Variants in ARHGAP32 observed in about 807,000 individuals in gnomAD.
ARHGAP32 encodes Rho GTPase activating protein 32.
A neutral mutation model predicts 186.5 loss-of-function variants in ARHGAP32; 51 were observed. The ratio of observed to expected loss-of-function variants is 0.27; its 90% CI spans 0.22 to 0.35. The LOEUF (loss-of-function observed/expected upper bound fraction) is 0.35, where lower values mean the gene tolerates loss of function less well. ARHGAP32 is among the 10% of genes least tolerant of loss of function. The pLI is 1.00. For missense variants in ARHGAP32, 2,186 were observed against 2,623.5 expected (o/e 0.83, Z 3.64); for synonymous variants, 950 against 964.3 (o/e 0.99, Z 0.27).
chr11:129,145,748 TA>T (rs1943156598), intron 2 of ARHGAP32, among the ~76,000 whole-genome samples: 2 of 152,054 alleles, frequency 1.3e-5, no homozygotes, highest in African/African-American at 2.4e-5. Flanking sequence ...TTTTGACCTA[TA>T]AAATTATCAA....
At chr11:129,193,724 T>TTATATAA (rs1944348958), upstream of ARHGAP32, among the ~76,000 whole-genome samples, 4 of 76,388 alleles carry the variant, frequency 5.2e-5, no homozygotes, top group Admixed American at 1.9e-4. Flanking sequence ...ATATTATATA[T>TTATATAA]TATATATAAT....
At chr11:129,083,178 A>G (rs540307077) in intron 6 of ARHGAP32, among the ~76,000 whole-genome samples, 4 of 152,344 alleles carry the variant, frequency 2.6e-5, no homozygotes, top group South Asian at 2.1e-4. Flanking sequence ...CAGTGTGGAC[A>G]TTCCTTGAAG....
intron 1 of ARHGAP32, among the ~76,000 whole-genome samples, chr11:129,225,244 TTGAA>T (rs1944764667): frequency 1.3e-5 from 2 of 152,170 alleles, no homozygotes; most frequent in Non-Finnish European, 2.9e-5. Flanking sequence ...CATGGAGACT[TTGAA>T]AAGTTTAGAC....
At chr11:128,971,437 A>T in intron 22 of ARHGAP32, 2 of 375,986 alleles carry the variant, frequency 5.3e-6, no homozygotes, top group Non-Finnish European at 9.6e-6. Context: ...TAATTTTAAT[A>T]TACAAACCAA....
chr11:129,253,086 T>A (rs988062944), intron 1 of ARHGAP32, among the ~76,000 whole-genome samples: 1 of 152,152 alleles, frequency 6.6e-6, no homozygotes, highest in Non-Finnish European at 1.5e-5. Flanking sequence ...CAGACAAATT[T>A]GAGTGGTTTA....
At chr11:129,173,896 A>G (rs1325970027) in intron 1 of ARHGAP32, among the ~76,000 whole-genome samples, 4 of 152,234 alleles carry the variant, frequency 2.6e-5, no homozygotes, top group Admixed American at 2.0e-4. Flanking sequence ...ACTTGGGGAA[A>G]AAAAGCAAGA....
chr11:129,171,823 G>A (rs1370691191), intron 1 of ARHGAP32, among the ~76,000 whole-genome samples: 4 of 152,118 alleles, frequency 2.6e-5, no homozygotes, highest in Non-Finnish European at 5.9e-5. Flanking sequence ...TTTTCTATTT[G>A]TTTGTGTCAT....
At chr11:129,190,370 T>C (rs1231072348) in intron 1 of ARHGAP32, among the ~76,000 whole-genome samples, 4 of 152,190 alleles carry the variant, frequency 2.6e-5, no homozygotes, top group Non-Finnish European at 5.9e-5. Context: ...CTTTGTTACA[T>C]TTGTAAATAA....
At chr11:129,120,015 T>C (rs1942479284) in intron 5 of ARHGAP32, among the ~76,000 whole-genome samples, 1 of 152,108 alleles carries the variant, frequency 6.6e-6, no homozygotes, top group Non-Finnish European at 1.5e-5. Flanking sequence ...TGGAGAGTTT[T>C]TAAAAAGTGA....
At chr11:129,120,455 A>G (rs1942497074) in intron 5 of ARHGAP32, among the ~76,000 whole-genome samples, 1 of 152,136 alleles carries the variant, frequency 6.6e-6, no homozygotes, top group Non-Finnish European at 1.5e-5. Context: ...TGTCCTTTGT[A>G]CATTACATAT....
intron 22 of ARHGAP32, chr11:128,971,948 T>C (rs1223616482): frequency 6.6e-6 from 1 of 152,288 alleles, no homozygotes; most frequent in African/African-American, 2.4e-5. Flanking sequence ...TAACAAAAAA[T>C]CCCAAGGCAC....
At chr11:129,205,070 TTTAATATATGCAGC>T (rs1944499741) in intron 1 of ARHGAP32, among the ~76,000 whole-genome samples, 1 of 152,110 alleles carries the variant, frequency 6.6e-6, no homozygotes, top group South Asian at 2.1e-4. Flanking sequence ...TAAAAAGAAG[TTTAATATATGCAGC>T]TCTTTAAAAG....
At chr11:129,145,729 T>C (rs1161147127) in intron 2 of ARHGAP32, among the ~76,000 whole-genome samples, 7 of 152,116 alleles carry the variant, frequency 4.6e-5, no homozygotes, top group Admixed American at 2.0e-4. Flanking sequence ...AAACTGCCAA[T>C]TGTTAAAATT....
At chr11:129,195,902 AAG>A (rs1944385665), upstream of ARHGAP32, among the ~76,000 whole-genome samples, 1 of 152,154 alleles carries the variant, frequency 6.6e-6, no homozygotes, top group South Asian at 2.1e-4. Context: ...GATACTGCTG[AAG>A]ACCACAAGGT....
chr11:129,106,394 T>C (rs960341950), intron 5 of ARHGAP32, among the ~76,000 whole-genome samples: 8 of 152,106 alleles, frequency 5.3e-5, no homozygotes, highest in Admixed American at 3.3e-4. Flanking sequence ...AGACAGTGGT[T>C]ATTAGCCTAA....
intron 11 of ARHGAP32, among the ~76,000 whole-genome samples, chr11:129,035,422 C>T (rs990624802): frequency 4.6e-5 from 7 of 152,174 alleles, no homozygotes; most frequent in African/African-American, 1.7e-4. Flanking sequence ...TGGCATCTAA[C>T]AGTGACAGAT....
chr11:129,006,178 G>A (rs548978168), intron 11 of ARHGAP32, among the ~76,000 whole-genome samples: 136 of 152,060 alleles, frequency 8.9e-4, no homozygotes, highest in African/African-American at 3.2e-3. Flanking sequence ...TGGCTATTTC[G>A]AAGTCTCTGT....
intron 6 of ARHGAP32, among the ~76,000 whole-genome samples, chr11:129,087,822 G>T (rs1292429031): frequency 1.3e-5 from 2 of 152,174 alleles, no homozygotes; most frequent in Non-Finnish European, 2.9e-5. Flanking sequence ...GGGGGATGTT[G>T]CATGTGTGTC....
At chr11:129,052,162 T>A (rs937872181) in intron 10 of ARHGAP32, among the ~76,000 whole-genome samples, 7 of 152,156 alleles carry the variant, frequency 4.6e-5, no homozygotes, top group African/African-American at 1.7e-4. Flanking sequence ...TGCCATTACA[T>A]CTCTTCACTG....
Sources: allele counts gnomAD v4.1 joint callset (sites outside exome capture counted in the v4.1 genomes callset), GRCh38; gene constraint gnomAD v4.1.1; transcripts MANE v1.5; gene names NCBI Gene and HGNC (gene_info 2026-07-23, HGNC 2026-07-21).